SLC41A3: variants seen among roughly 807,000 people sequenced by gnomAD.
SLC41A3 encodes solute carrier family 41 member 3, also known as SLC41A1-like 2.
A neutral mutation model predicts 45.4 loss-of-function variants in SLC41A3; 44 were observed. The observed-to-expected ratio is 0.97, with a 90% CI of 0.76 to 1.25. The LOEUF (loss-of-function observed/expected upper bound fraction) is 1.25. Ranked by LOEUF, SLC41A3 falls within the 50% of genes most tolerant of loss-of-function variation. The probability of loss-of-function intolerance (pLI) is 0.00; values close to 1 mark genes in which losing one functional copy is unlikely to be tolerated. For missense variants in SLC41A3, 550 were observed against 600.6 expected, an observed-to-expected ratio of 0.92 and a Z score of 0.88; for synonymous variants, 256 against 252.4, an observed-to-expected ratio of 1.01 and a Z score of -0.13.
chr3:126,020,123 G>C (rs1940701912), intron 6 of SLC41A3, among the ~76,000 whole-genome samples: 1 of 152,108 alleles, frequency 6.6e-6, no homozygotes, highest in African/African-American at 2.4e-5. Context: ...TTTATGACTT[G>C]TACCTTCTGG....
intron 1 of SLC41A3, among the ~76,000 whole-genome samples, chr3:126,069,713 A>G (rs1226410107): frequency 6.6e-6 from 1 of 152,232 alleles, no homozygotes; most frequent in Non-Finnish European, 1.5e-5. Context: ...CCGTACCGGA[A>G]GAAGCAAAGA....
At chr3:126,011,166 A>C (rs1334770940) in intron 9 of SLC41A3, among the ~76,000 whole-genome samples, 6 of 152,344 alleles carry the variant, frequency 3.9e-5, no homozygotes, top group African/African-American at 1.4e-4. Context: ...TCATGCAATC[A>C]CAAACCCACC....
upstream of SLC41A3, among the ~76,000 whole-genome samples, chr3:126,085,835 A>G (rs1363978472): frequency 6.6e-6 from 1 of 151,674 alleles, no homozygotes; most frequent in African/African-American, 2.4e-5. Flanking sequence ...GGGGGGGTTG[A>G]CATCCTGTGA....
intron 2 of SLC41A3, among the ~76,000 whole-genome samples, chr3:126,059,311 G>GAAAGAGAAAGA (rs1576331873): frequency 1.2e-5 from 1 of 81,060 alleles, no homozygotes; most frequent in Non-Finnish European, 2.6e-5. Flanking sequence ...AGAAAGAAAG[G>GAAAGAGAAAGA]AAGGATGATC....
chr3:126,009,617 A>T (rs544422150), intron 9 of SLC41A3, among the ~76,000 whole-genome samples: 11 of 152,262 alleles, frequency 7.2e-5, no homozygotes, highest in Admixed American at 3.9e-4. Flanking sequence ...CTGAGTTAAT[A>T]TATGTATTTC....
Position 126,068,223 on chromosome 3 carries a change from G to T in SLC41A3, c.-4C>A. 6.6e-7 allele frequency: 1 copy of T among 1,509,618 alleles called. No homozygotes were observed. Among genetic ancestry groups the T allele is most frequent in the Non-Finnish European group, 8.8e-7 (1 of 1,130,534 alleles). The allele number at this position is 1,509,618 out of a possible 1,614,324, so 93.5% of individuals were successfully genotyped here. ...GCCGGGTCTCTGTCCCATCCATCTG[G>T]GCACAGCTGGGCGCCTGGCAGCCCT... On this transcript the variant is annotated 5_prime_UTR_variant, in exon 2 of 11. Transcript: ENST00000360370.
At chr3:126,011,748 C>T (rs1373208516) in intron 9 of SLC41A3, among the ~76,000 whole-genome samples, 1 of 152,184 alleles carries the variant, frequency 6.6e-6, no homozygotes, top group Non-Finnish European at 1.5e-5. Context: ...CATCATAAGT[C>T]ATGGAATCAG....
intron 6 of SLC41A3, among the ~76,000 whole-genome samples, chr3:126,017,933 G>GA (rs1383822554): frequency 6.6e-6 from 1 of 152,162 alleles, no homozygotes; most frequent in African/African-American, 2.4e-5. Flanking sequence ...CACCCTCTGG[G>GA]AAACAGCGGC....
chr3:126,006,480 CA>C lies in SLC41A3; in HGVS notation c.*535del, dbSNP rs1939108495. The C allele has an allele frequency of 6.2e-7, 1 of 1,613,908 alleles. No individual in the cohort carries two copies. Among genetic ancestry groups the C allele is most frequent in the African/African-American group, 1.3e-5 (1 of 74,908 alleles). On this transcript the variant is annotated 3_prime_UTR_variant, in exon 11 of 11. Coordinates refer to ENST00000360370, the MANE Select transcript of SLC41A3 (RefSeq NM_017836.4). ...CAAGGACACGATTAAATGTTGAGTG[CA>C]GATGAAGGGTTGTATGAGGCCCCAT...
At chr3:126,063,949 A>ACCCCCCCCCCCCCCCCCCCC (rs56806357) in intron 2 of SLC41A3, among the ~76,000 whole-genome samples, 1 of 101,994 alleles carries the variant, frequency 9.8e-6, no homozygotes. Context: ...GCCAGATCCA[A>ACCCCCCCCCCCCCCCCCCCC]CCCCCCCCCG....
At chr3:126,097,041 A>G (rs563097466) in intron 1 of SLC41A3, among the ~76,000 whole-genome samples, 4 of 152,338 alleles carry the variant, frequency 2.6e-5, no homozygotes, top group East Asian at 3.9e-4. Flanking sequence ...TGTGCTTGGA[A>G]GAGACCCGAG....
chr3:126,013,044 G>A (rs908074836), intron 8 of SLC41A3, among the ~76,000 whole-genome samples: 1 of 152,064 alleles, frequency 6.6e-6, no homozygotes. Context: ...TGGCTGGAGC[G>A]AGGATGGGAG....
intron 6 of SLC41A3, among the ~76,000 whole-genome samples, chr3:126,019,964 A>T (rs1940685602): frequency 6.6e-6 from 1 of 151,884 alleles, no homozygotes; most frequent in Non-Finnish European, 1.5e-5. Flanking sequence ...CTAGTAGGGG[A>T]ACTCTGCAGT....
chr3:126,066,516 C>A (rs1944353087), intron 2 of SLC41A3, among the ~76,000 whole-genome samples: 1 of 152,160 alleles, frequency 6.6e-6, no homozygotes, highest in Non-Finnish European at 1.5e-5. Context: ...CAATTTCCAG[C>A]TGGCAGATTA....
chr3:126,031,545 T>C (rs1196514401), intron 4 of SLC41A3, among the ~76,000 whole-genome samples: 3 of 152,228 alleles, frequency 2.0e-5, no homozygotes, highest in Non-Finnish European at 4.4e-5. Flanking sequence ...CGACAGAATA[T>C]GCTGAAGTTC....
At chr3:126,077,428 A>G (rs911414970) in intron 1 of SLC41A3, among the ~76,000 whole-genome samples, 1 of 152,140 alleles carries the variant, frequency 6.6e-6, no homozygotes, top group African/African-American at 2.4e-5. Context: ...AATCACTGAC[A>G]ATTTCACTAT....
chr3:126,086,281 A>T (rs1945386069), upstream of SLC41A3, among the ~76,000 whole-genome samples: 1 of 152,104 alleles, frequency 6.6e-6, no homozygotes. Context: ...CAACCTGTAC[A>T]CTATAGAGTT....
At chr3:126,028,427 T>C (rs1941539660) in intron 4 of SLC41A3, among the ~76,000 whole-genome samples, 2 of 152,340 alleles carry the variant, frequency 1.3e-5, no homozygotes, top group Admixed American at 6.5e-5. Context: ...TCCATCCACA[T>C]GTGTTATGCC....
At chr3:126,063,681 C>T (rs1944187791) in intron 2 of SLC41A3, among the ~76,000 whole-genome samples, 2 of 152,332 alleles carry the variant, frequency 1.3e-5, no homozygotes, top group African/African-American at 4.8e-5. Flanking sequence ...TACAGCCACA[C>T]ACAAGGCCTC....
Sources: allele counts gnomAD v4.1 joint callset (sites outside exome capture counted in the v4.1 genomes callset), GRCh38; gene constraint gnomAD v4.1.1; transcripts MANE v1.5; gene names NCBI Gene and HGNC (gene_info 2026-07-23, HGNC 2026-07-21).